Variants in TNIK observed in about 807,000 individuals in gnomAD.
The protein encoded by TNIK is TRAF2 and NCK-interacting protein kinase.
In TNIK, 49 loss-of-function variants were observed where a neutral mutation model predicts 191.3. The ratio of observed to expected loss-of-function variants is 0.26; its 90% confidence interval spans 0.20 to 0.32. The LOEUF (loss-of-function observed/expected upper bound fraction) is 0.32, where lower values mean the gene tolerates loss of function less well. TNIK is among the 10% of genes least tolerant of loss of function. The pLI is 1.00. For synonymous variants in TNIK, 594 were observed against 600.9 expected, an observed-to-expected ratio of 0.99 and a Z score of 0.17; for missense variants, 1,155 against 1,702.3, an observed-to-expected ratio of 0.68 and a Z score of 5.66.
chr3:171,409,628 A>T (rs1339668335), intron 1 of TNIK, among the ~76,000 whole-genome samples: 1 of 151,512 alleles, frequency 6.6e-6, no homozygotes, highest in Non-Finnish European at 1.5e-5. Flanking sequence ...TATAACCCCC[A>T]TTACCTGTAT....
chr3:171,309,392 G>A (rs1753785597), intron 2 of TNIK, among the ~76,000 whole-genome samples: 1 of 151,970 alleles, frequency 6.6e-6, no homozygotes, highest in South Asian at 2.1e-4. Flanking sequence ...CAGACAACAG[G>A]GCCTACTGGA....
chr3:171,130,312 GCC>G (rs1729062409), intron 15 of TNIK, among the ~76,000 whole-genome samples: 1 of 152,086 alleles, frequency 6.6e-6, no homozygotes, highest in Non-Finnish European at 1.5e-5. Context: ...ATGAAAAACA[GCC>G]CTCCTGCCTC....
At chr3:171,084,035 A>C in intron 26 of TNIK, 120 bp downstream of exon 26, 1 of 1,316,732 alleles carries the variant, frequency 7.6e-7, no homozygotes, top group Non-Finnish European at 1.0e-6. Context: ...TTAGGTCTCT[A>C]ATACCCAGGA....
intron 2 of TNIK, among the ~76,000 whole-genome samples, chr3:171,327,933 C>CAAAAAAAAAAAAA (rs1577493797): frequency 2.4e-5 from 2 of 84,926 alleles, no homozygotes; most frequent in Non-Finnish European, 5.2e-5. Context: ...AAAAAAAAAT[C>CAAAAAAAAAAAAA]ACTTGTTTGG....
At chr3:171,396,269 G>A (rs2108561748) in intron 1 of TNIK, among the ~76,000 whole-genome samples, 1 of 152,288 alleles carries the variant, frequency 6.6e-6, no homozygotes, top group Middle Eastern at 3.4e-3. Context: ...CATTCACATA[G>A]TAGCATATAT....
chr3:171,455,136 T>C (rs1479749212), intron 1 of TNIK, among the ~76,000 whole-genome samples: 2 of 152,140 alleles, frequency 1.3e-5, no homozygotes, highest in Non-Finnish European at 2.9e-5. Context: ...CAAAGAAACA[T>C]ACAAGGTCAC....
intron 2 of TNIK, among the ~76,000 whole-genome samples, chr3:171,250,548 T>A (rs1215309352): frequency 6.6e-6 from 1 of 152,152 alleles, no homozygotes; most frequent in Non-Finnish European, 1.5e-5. Context: ...CCATCCTACT[T>A]CTCTAAAGCC....
chr3:171,271,508 C>T (rs1202536160), intron 2 of TNIK, among the ~76,000 whole-genome samples: 1 of 152,202 alleles, frequency 6.6e-6, no homozygotes, highest in Non-Finnish European at 1.5e-5. Flanking sequence ...CACTTATGTC[C>T]ATCTGTTCAA....
intron 1 of TNIK, among the ~76,000 whole-genome samples, chr3:171,382,262 C>T (rs886907939): frequency 2.9e-5 from 4 of 140,302 alleles, no homozygotes; most frequent in Non-Finnish European, 4.5e-5. Context: ...GCTCTGTCAG[C>T]CAGGCTGGAG....
chr3:171,370,405 G>A lies in TNIK; in HGVS notation c.58-720C>T, dbSNP rs374821285. Among the ~76,000 whole-genome samples the A allele has an allele frequency of 1.5e-3, 230 of 152,258 alleles. 1 individual carries two copies. Among genetic ancestry groups the A allele is most frequent in the African/African-American group, 5.1e-3 (211 of 41,568 alleles). On this transcript the variant is annotated intron_variant, in intron 1 of 32. Transcript: ENST00000436636. Reference sequence around the variant, plus strand: ...CCAGGAGTCAGCTAAATGTTACAGCGTTCAATAAATATCCAAAATTACTGC... The same window carrying A: ...CCAGGAGTCAGCTAAATGTTACAGCATTCAATAAATATCCAAAATTACTGC...
chr3:171,408,264 T>C (rs998758167), intron 1 of TNIK, among the ~76,000 whole-genome samples: 18 of 152,124 alleles, frequency 1.2e-4, no homozygotes, highest in African/African-American at 3.9e-4. Context: ...GGCTTTTTTT[T>C]CCCCCGCTCA....
At chr3:171,203,283 T>G (rs1462198085) in intron 4 of TNIK, among the ~76,000 whole-genome samples, 1 of 152,212 alleles carries the variant, frequency 6.6e-6, no homozygotes, top group Non-Finnish European at 1.5e-5. Context: ...ATGCAGAGTC[T>G]AAAAAGGACC....
chr3:171,326,165 G>A (rs1261310273), intron 2 of TNIK, among the ~76,000 whole-genome samples: 2 of 152,076 alleles, frequency 1.3e-5, no homozygotes, highest in African/African-American at 2.4e-5. Flanking sequence ...AAAGAGGAAA[G>A]TTACCAAAAG....
In TNIK at chr3:171,338,469, GA is replaced by G. The variant is rs200481548; in HGVS notation, c.123+31150del. The stretch of plus-strand genomic sequence containing the variant: ...ATTGAATGCTTACTATGTGTGCCAA[GA>G]AATGTGCTTAACTCTTTTTTATTAT... On this transcript the variant is annotated intron_variant, in intron 2 of 32. Coordinates refer to ENST00000436636, the MANE Select transcript of TNIK (RefSeq NM_015028.4). Among the ~76,000 whole-genome samples, 887 of 152,132 alleles carry G rather than the reference GA, an allele frequency of 5.8e-3. 8 individuals carry two copies. Among genetic ancestry groups the G allele is most frequent in the African/African-American group, 0.02 (846 of 41,514 alleles).
chr3:171,172,201 G>T (rs760436743), intron 9 of TNIK, among the ~76,000 whole-genome samples: 6 of 152,228 alleles, frequency 3.9e-5, no homozygotes, highest in Non-Finnish European at 5.9e-5. Flanking sequence ...ACTCAGTCAT[G>T]TTGAAAATGA....
chr3:171,226,742 C>T (rs967344950), intron 3 of TNIK, among the ~76,000 whole-genome samples: 3 of 151,982 alleles, frequency 2.0e-5, no homozygotes, highest in African/African-American at 7.2e-5. Context: ...AAATATTTTA[C>T]TGGTCAAAAA....
At chr3:171,452,891 A>C (rs1276129439) in intron 1 of TNIK, among the ~76,000 whole-genome samples, 1 of 152,190 alleles carries the variant, frequency 6.6e-6, no homozygotes, top group African/African-American at 2.4e-5. Flanking sequence ...ACCCAGGACC[A>C]GGCATAGTAT....
chr3:171,196,451 C>T (rs1323232156), intron 4 of TNIK, among the ~76,000 whole-genome samples: 2 of 152,102 alleles, frequency 1.3e-5, no homozygotes, highest in Admixed American at 6.5e-5. Flanking sequence ...CCTGATCAGG[C>T]CTCTAGCTCC....
chr3:171,101,697 A>G (rs1723593167), intron 21 of TNIK, 64 bp from the exon 22 acceptor site: 1 of 1,526,886 alleles, frequency 6.5e-7, no homozygotes, highest in African/African-American at 1.4e-5. Flanking sequence ...ATCTCTCAGC[A>G]AGTCAGTGCT....
Sources: gnomAD v4.1 joint callset for allele counts (sites outside exome capture counted in the v4.1 genomes callset) on GRCh38, gnomAD v4.1.1 for gene constraint, MANE v1.5 for transcripts, NCBI Gene and HGNC (gene_info 2026-07-23, HGNC 2026-07-21) for gene names.